Variants in GAREM1 observed in about 807,000 individuals in gnomAD.
The protein encoded by GAREM1 is GRB2-associated and regulator of MAPK protein 1.
In GAREM1, 26 loss-of-function variants were observed where a neutral mutation model predicts 71.3. That is an observed-to-expected ratio of 0.36 (90% CI 0.27 to 0.51). GAREM1 has a LOEUF of 0.51. Ranked by LOEUF, GAREM1 falls within the 20% of genes least tolerant of loss-of-function variation. The pLI is 0.95. For missense variants in GAREM1, 1,026 were observed against 1,103.1 expected (o/e 0.93, Z 0.99); for synonymous variants, 440 against 433.2 (o/e 1.02, Z -0.20).
At position 32,470,422 on chromosome 18, in the gene GAREM1, G is replaced by C; in HGVS notation, c.7C>G (p.Pro3Ala). 1.3e-6 allele frequency: 2 copies of C among 1,510,360 alleles called. No homozygotes were observed. Among genetic ancestry groups the C allele is most frequent in the South Asian group, 1.3e-5 (1 of 79,514 alleles). 93.6% of individuals were successfully genotyped at this position (1,510,360 alleles called of 1,614,324 possible). A position where few individuals can be genotyped will look rare whatever the true frequency, so the allele number is the denominator to read the frequency against. The stretch of plus-strand genomic sequence containing the variant: ...AGGCTGCAGCCCAGCGAGGGCGCCG[G>C]GTCCATCTTCCCCGAAGCCTCCTGT... MD[P>A]APSLGCSLKD... The change falls in exon 1 of 6, where the codon CCG becomes GCG. Residue 3 changes from proline to alanine, a missense_variant. Transcript: ENST00000269209. The surrounding 1 kb of genome is among the most constrained non-coding windows in gnomAD (Gnocchi z 4.4).
chr18:32,449,118 A>T (rs958063932), intron 1 of GAREM1, among the ~76,000 whole-genome samples: 3 of 152,214 alleles, frequency 2.0e-5, no homozygotes, highest in Non-Finnish European at 4.4e-5. Context: ...CTTTTCAGCC[A>T]TGTGACCTTG....
In GAREM1 at chr18:32,267,945, C is replaced by T. The variant is rs773819738; in HGVS notation, c.2557G>A (p.Glu853Lys). 3.7e-6 allele frequency: 6 copies of T among 1,614,092 alleles called. No homozygotes were observed. The South Asian group carries it at 6.6e-5, about 18-fold the overall frequency. The change falls in exon 6 of 6, where the codon GAG (glutamate) becomes AAG (lysine). Residue 853 changes from glutamate (E) to lysine (K), a missense_variant. Glu to Lys is a moderately conservative substitution (Grantham distance 56). Around this residue, in one of 3 missense-constraint regions of GAREM1, gnomAD observed 636 missense variants for 631.2 expected, o/e 1.01. Coordinates refer to ENST00000269209, the MANE Select transcript of GAREM1 (RefSeq NM_001242409.2). Reference protein sequence around the residue: ...LVQLTEEILSEDFKLSKLQVK... With the variant: ...LVQLTEEILSKDFKLSKLQVK... ...TGCAATTTGCTCAATTTGAAATCCT[C>T]TGAGAGGATTTCTTCCGTTAGCTGA...
Position 32,363,920 on chromosome 18 carries a change from A to ACACACACACACACACACACACACACACAT in GAREM1, c.262+28974_262+28975insATGTGTGTGTGTGTGTGTGTGTGTGTGTG, listed in dbSNP as rs1408632288. 8.0e-4 allele frequency among the ~76,000 whole-genome samples: 118 copies of ACACACACACACACACACACACACACACAT among 146,696 alleles called. 1 individual carries two copies. Among genetic ancestry groups the ACACACACACACACACACACACACACACAT allele is most frequent in the African/African-American group, 2.8e-3 (111 of 40,000 alleles). ...CAAGGTTATACACACACACACACAT[A>ACACACACACACACACACACACACACACAT]AAAAAATATATATACACATACAAAT... On this transcript the variant is annotated intron_variant, in intron 2 of 5. Transcript: ENST00000269209.
intron 2 of GAREM1, among the ~76,000 whole-genome samples, chr18:32,341,880 G>A (rs969023412): frequency 1.6e-4 from 24 of 152,070 alleles, no homozygotes; most frequent in Admixed American, 1.2e-3. Flanking sequence ...AATCATCGGC[G>A]ATGGGTGATA....
At chr18:32,425,671 G>A (rs16963353) in intron 1 of GAREM1, among the ~76,000 whole-genome samples, 13,261 of 152,224 alleles carry the variant, frequency 0.087, 653 homozygotes, top group African/African-American at 0.14. Flanking sequence ...GTGAAGGCTT[G>A]TACCCTACCT....
At position 32,268,761 on chromosome 18, in the gene GAREM1, T is replaced by C. The variant is rs2041414316; in HGVS notation, c.1741A>G (p.Thr581Ala). The C allele has an allele frequency of 4.3e-6, 7 of 1,612,736 alleles. No individual in the cohort carries two copies. Among genetic ancestry groups the C allele is most frequent in the African/African-American group, 1.3e-5 (1 of 74,992 alleles). ...YSSGLHNISV[T>A]KTDTNPSEST... ...TCAGAAGGATTTGTGTCAGTTTTAG[T>C]GACGCTGCTTAAAAGCAAACACAGA... The change falls in exon 6 of 6, where the codon ACT becomes GCT. Residue 581 changes from threonine (T) to alanine (A), a missense_variant. This residue lies in a region of GAREM1 where 636 missense variants were observed against 631.2 expected (regional missense o/e 1.01). Coordinates refer to ENST00000269209, the MANE Select transcript of GAREM1 (RefSeq NM_001242409.2).
intron 3 of GAREM1, chr18:32,290,205 G>A (rs1036650057): frequency 2.6e-5 from 4 of 151,336 alleles, no homozygotes; most frequent in African/African-American, 4.9e-5. Context: ...TTATCTTAGC[G>A]ACCTTTCTAT....
At chr18:32,401,679 A>G (rs1477443396) in intron 1 of GAREM1, among the ~76,000 whole-genome samples, 2 of 152,244 alleles carry the variant, frequency 1.3e-5, no homozygotes, top group African/African-American at 4.8e-5. Context: ...ATTGGAGAAG[A>G]GAGAAACCAG....
In GAREM1 at chr18:32,470,827, T is replaced by C. The variant is rs1465026978; in HGVS notation, c.-399A>G. ...CCCCTCCTTCCCTCCGCCTCGAGCG[T>C]GTGAGGAGGAGCCGCGGGTCTGAGA... On this transcript the variant is annotated 5_prime_UTR_variant, in exon 1 of 6. Transcript: ENST00000269209. This position sits in a 1 kb window ranked among gnomAD's most constrained non-coding sequence, Gnocchi z 4.4. Among the ~76,000 whole-genome samples, 6 of 149,788 alleles carry C rather than the reference T, an allele frequency of 4.0e-5. No homozygotes were observed. The South Asian group carries it at 1.2e-3, about 31-fold the overall frequency.
At chr18:32,298,378 G>A (rs2047164184) in intron 3 of GAREM1, among the ~76,000 whole-genome samples, 1 of 151,852 alleles carries the variant, frequency 6.6e-6, no homozygotes, top group African/African-American at 2.4e-5. Context: ...TTCTACAGAT[G>A]TAATTTATTT....
chr18:32,450,534 G>A (rs921234537), intron 1 of GAREM1, among the ~76,000 whole-genome samples: 5 of 151,986 alleles, frequency 3.3e-5, no homozygotes, highest in South Asian at 2.1e-4. Context: ...TGATTCACTC[G>A]GTAGCTTGAT....
At chr18:32,447,558 T>C (rs2048796717) in intron 1 of GAREM1, among the ~76,000 whole-genome samples, 1 of 152,088 alleles carries the variant, frequency 6.6e-6, no homozygotes, top group South Asian at 2.1e-4. Context: ...ATCATAACAA[T>C]GTAGTGGTGA....
chr18:32,381,708 C>T lies in GAREM1; in HGVS notation c.262+11187G>A, dbSNP rs181878724. Among the ~76,000 whole-genome samples, 310 of 152,326 alleles carry T rather than the reference C, an allele frequency of 2.0e-3. 1 individual carries two copies. Among genetic ancestry groups the T allele is most frequent in the African/African-American group, 7.1e-3 (297 of 41,578 alleles). On this transcript the variant is annotated intron_variant, in intron 2 of 5. Coordinates refer to ENST00000269209, the MANE Select transcript of GAREM1 (RefSeq NM_001242409.2). ...GGGAGGACACTTGCCTTCACTTAATCTTTCTAAAAAGCAGATTCTGGGAGG... is the reference window on the plus strand; with the variant it reads ...GGGAGGACACTTGCCTTCACTTAATTTTTCTAAAAAGCAGATTCTGGGAGG...
At chr18:32,361,964 A>T (rs1418958842) in intron 2 of GAREM1, among the ~76,000 whole-genome samples, 2 of 152,170 alleles carry the variant, frequency 1.3e-5, no homozygotes, top group Non-Finnish European at 2.9e-5. Context: ...ACACTTGAAA[A>T]ATGACTCTTT....
intron 2 of GAREM1, among the ~76,000 whole-genome samples, chr18:32,331,838 G>A (rs1407913885): frequency 6.6e-6 from 1 of 152,046 alleles, no homozygotes; most frequent in Non-Finnish European, 1.5e-5. Context: ...GAAGGGGAAA[G>A]AGTGAGGAGA....
intron 1 of GAREM1, among the ~76,000 whole-genome samples, chr18:32,413,853 A>G (rs1599030963): frequency 6.6e-6 from 1 of 152,314 alleles, no homozygotes; most frequent in East Asian, 1.9e-4. Flanking sequence ...TACTGTGGTT[A>G]GTTACACTCC....
At chr18:32,449,246 A>G (rs1295710413) in intron 1 of GAREM1, among the ~76,000 whole-genome samples, 3 of 152,236 alleles carry the variant, frequency 2.0e-5, no homozygotes, top group African/African-American at 7.2e-5. Context: ...TATAATTATT[A>G]TACAGAAATA....
At chr18:32,337,389 C>T (rs151122942) in intron 2 of GAREM1, among the ~76,000 whole-genome samples, 2 of 152,258 alleles carry the variant, frequency 1.3e-5, no homozygotes, top group East Asian at 1.9e-4. Flanking sequence ...ACAATATGTA[C>T]GTAAGTGGGG....
chr18:32,366,411 G>A (rs568788099), intron 2 of GAREM1, among the ~76,000 whole-genome samples: 7 of 152,270 alleles, frequency 4.6e-5, no homozygotes, highest in Middle Eastern at 3.4e-3. Flanking sequence ...AATATCTGCT[G>A]CAGGAATGAA....
Sources: gnomAD v4.1 joint callset for allele counts (sites outside exome capture counted in the v4.1 genomes callset) on GRCh38, gnomAD v4.1.1 for gene constraint, gnomAD v4.1.1 regional missense constraint, Gnocchi (gnomAD v3.1) non-coding constraint, MANE v1.5 for transcripts, NCBI Gene and HGNC (gene_info 2026-07-23, HGNC 2026-07-21) for gene names.